GLRA1: variants seen among roughly 807,000 people sequenced by gnomAD.
GLRA1 encodes the protein glycine receptor subunit alpha-1.
In GLRA1, 37 loss-of-function variants were observed where a neutral mutation model predicts 48.3. That is an observed-to-expected ratio of 0.77 (90% confidence interval 0.59 to 1.01). The LOEUF (loss-of-function observed/expected upper bound fraction) is 1.01, where lower values mean the gene tolerates loss of function less well. Among genes scored for constraint, GLRA1 ranks in the 50% least tolerant of loss-of-function variants. The pLI is 0.00. For synonymous variants in GLRA1, 196 were observed against 210.7 expected (o/e 0.93, Z 0.60); for missense variants, 427 against 571.0 (o/e 0.75, Z 2.57).
At chr5:151,835,308 G>A (rs1374732669) in intron 7 of GLRA1, among the ~76,000 whole-genome samples, 3 of 152,066 alleles carry the variant, frequency 2.0e-5, no homozygotes, top group Non-Finnish European at 4.4e-5. Context: ...AAAAGCCCAG[G>A]ACCAGAAGGA....
rs1753915452 is a variant in GLRA1 at position 151,886,722 on chromosome 5, A to G, written c.251T>C (p.Met84Thr). 2 of 1,605,670 alleles carry G rather than the reference A, an allele frequency of 1.2e-6. No individual in the cohort carries two copies. Among genetic ancestry groups the G allele is most frequent in the Non-Finnish European group, 8.5e-7 (1 of 1,172,380 alleles). Reference protein sequence around the residue: ...NSFGSIAETTMDYRVNIFLRQ... With the variant: ...NSFGSIAETTTDYRVNIFLRQ... Reference sequence around the variant, plus strand: ...CAGCTTGTGTTTTGACTTACTCACCATGGTTGTCTCAGCAATGGAACCAAA... The same window carrying G: ...CAGCTTGTGTTTTGACTTACTCACCGTGGTTGTCTCAGCAATGGAACCAAA... The change falls in exon 3 of 9, where the codon ATG (methionine) becomes ACG (threonine). Residue 84 changes from methionine (M) to threonine (T), a missense_variant and splice_region_variant. Met to Thr is a moderately conservative substitution (Grantham distance 81). Coordinates refer to ENST00000274576, the MANE Select transcript of GLRA1 (RefSeq NM_000171.4).
chr5:151,917,947 T>A (rs572605340), intron 1 of GLRA1, among the ~76,000 whole-genome samples: 59 of 152,368 alleles, frequency 3.9e-4, no homozygotes, highest in Middle Eastern at 6.8e-3. Flanking sequence ...TGGCTGGGAT[T>A]AATGATTGTC....
At chr5:151,866,292 G>GTTCA (rs1303839572) in intron 3 of GLRA1, among the ~76,000 whole-genome samples, 1 of 152,164 alleles carries the variant, frequency 6.6e-6, no homozygotes. Context: ...TCATTCATTT[G>GTTCA]TTCATTCATT....
At chr5:151,883,480 A>G (rs1328138096) in intron 3 of GLRA1, among the ~76,000 whole-genome samples, 2 of 152,242 alleles carry the variant, frequency 1.3e-5, no homozygotes, top group Admixed American at 6.5e-5. Context: ...ACAGTCACCA[A>G]GTAGCTTTGT....
Position 151,856,288 on chromosome 5 carries a change from G to T in GLRA1, c.559+13C>A. 1.9e-6 allele frequency: 3 copies of T among 1,585,678 alleles called. No homozygotes were observed. Among genetic ancestry groups the T allele is most frequent in the Non-Finnish European group, 2.6e-6 (3 of 1,154,874 alleles). ...GCCTGGTTCTTTCTAGAGGACTCATGCAAGACACTCACAGCTTTCCAGTTG... is the reference window on the plus strand; with the variant it reads ...GCCTGGTTCTTTCTAGAGGACTCATTCAAGACACTCACAGCTTTCCAGTTG... On this transcript the variant is annotated intron_variant, in intron 5 of 8. Coordinates refer to ENST00000274576, the MANE Select transcript of GLRA1 (RefSeq NM_000171.4).
At chr5:151,887,825 G>GTATT (rs1482311910) in intron 2 of GLRA1, among the ~76,000 whole-genome samples, 1 of 152,182 alleles carries the variant, frequency 6.6e-6, no homozygotes, top group Non-Finnish European at 1.5e-5. Flanking sequence ...CAAGACCATG[G>GTATT]GTAAGAGTGG....
intron 7 of GLRA1, among the ~76,000 whole-genome samples, chr5:151,832,217 A>G (rs1467831372): frequency 6.6e-6 from 1 of 152,254 alleles, no homozygotes; most frequent in East Asian, 1.9e-4. Context: ...AAGGCTGAAA[A>G]TTCCAAAAAC....
At chr5:151,918,710 C>T (rs1754796388) in intron 1 of GLRA1, among the ~76,000 whole-genome samples, 1 of 152,190 alleles carries the variant, frequency 6.6e-6, no homozygotes, top group Non-Finnish European at 1.5e-5. Context: ...AATTACAAAT[C>T]TCAATTTGCA....
At chr5:151,920,212 G>A (rs565013011) in intron 1 of GLRA1, among the ~76,000 whole-genome samples, 7 of 152,312 alleles carry the variant, frequency 4.6e-5, no homozygotes, top group African/African-American at 1.7e-4. Flanking sequence ...TGCCTTTGAT[G>A]AAGATCTTAT....
chr5:151,849,493 T>TTCCTTCCTTCCTTCCTTCC (rs1438481838), intron 7 of GLRA1, among the ~76,000 whole-genome samples: 2 of 88,130 alleles, frequency 2.3e-5, no homozygotes, highest in African/African-American at 1.0e-4. Context: ...CCTTCCTTCC[T>TTCCTTCCTTCCTTCCTTCC]TTCTTTTCTT....
intron 7 of GLRA1, among the ~76,000 whole-genome samples, chr5:151,845,147 C>T (rs1443976456): frequency 6.6e-6 from 1 of 152,074 alleles, no homozygotes; most frequent in Non-Finnish European, 1.5e-5. Context: ...TGAGAAGTCA[C>T]CCCTAAGAGA....
At chr5:151,833,500 GC>G (rs1050826842) in intron 7 of GLRA1, among the ~76,000 whole-genome samples, 10 of 152,062 alleles carry the variant, frequency 6.6e-5, no homozygotes, top group Middle Eastern at 6.8e-3. Flanking sequence ...TGCTCTTGTT[GC>G]CCCCCAGGGT....
At chr5:151,910,361 A>G (rs1262021907) in intron 1 of GLRA1, among the ~76,000 whole-genome samples, 1 of 152,268 alleles carries the variant, frequency 6.6e-6, no homozygotes, top group East Asian at 1.9e-4. Flanking sequence ...TTACAGGAAT[A>G]TTTAATGCAG....
chr5:151,911,853 C>T (rs1181423459), intron 1 of GLRA1, among the ~76,000 whole-genome samples: 1 of 152,014 alleles, frequency 6.6e-6, no homozygotes, highest in African/African-American at 2.4e-5. Flanking sequence ...CGTGATCTGC[C>T]TGCCTTGGCC....
intron 7 of GLRA1, among the ~76,000 whole-genome samples, chr5:151,829,344 T>G (rs960129995): frequency 6.6e-6 from 1 of 152,238 alleles, no homozygotes; most frequent in Non-Finnish European, 1.5e-5. Context: ...AACAGAATGC[T>G]GTCTTTCATT....
At chr5:151,861,041 A>G (rs926253511) in intron 3 of GLRA1, among the ~76,000 whole-genome samples, 3 of 152,232 alleles carry the variant, frequency 2.0e-5, no homozygotes, top group African/African-American at 7.2e-5. Context: ...CCGTGTCCCT[A>G]TAAAGGACAT....
chr5:151,841,514 AT>A (rs563798080), intron 7 of GLRA1, among the ~76,000 whole-genome samples: 186 of 152,288 alleles, frequency 1.2e-3, no homozygotes, highest in Non-Finnish European at 1.6e-3. Context: ...CAGTAGAAAA[AT>A]AATAGAGAAA....
chr5:151,855,682 A>G (rs1393505985), intron 5 of GLRA1, among the ~76,000 whole-genome samples: 2 of 152,160 alleles, frequency 1.3e-5, no homozygotes, highest in Non-Finnish European at 2.9e-5. Context: ...GATTCCCCTC[A>G]CGGGTAGTGC....
chr5:151,877,493 C>A (rs1753654858), intron 3 of GLRA1, among the ~76,000 whole-genome samples: 1 of 152,076 alleles, frequency 6.6e-6, no homozygotes, highest in Non-Finnish European at 1.5e-5. Context: ...TAAAAACAAG[C>A]AAATAACAAA....
Sources: gnomAD v4.1 joint callset for allele counts (sites outside exome capture counted in the v4.1 genomes callset) on GRCh38, gnomAD v4.1.1 for gene constraint, MANE v1.5 for transcripts, NCBI Gene and HGNC (gene_info 2026-07-23, HGNC 2026-07-21) for gene names.